Variants in PIGB observed in about 807,000 individuals in gnomAD.
PIGB encodes the protein phosphatidylinositol glycan anchor biosynthesis class B.
A neutral mutation model predicts 68.4 loss-of-function variants in PIGB; 58 were observed. The observed-to-expected ratio is 0.85, with a 90% CI of 0.69 to 1.06. The LOEUF is 1.06. PIGB is among the 50% of genes least tolerant of loss of function. The probability of loss-of-function intolerance (pLI) is 0.00; values close to 1 mark genes in which losing one functional copy is unlikely to be tolerated. For missense variants in PIGB, 634 were observed against 655.8 expected, an observed-to-expected ratio of 0.97 and a Z score of 0.36; for synonymous variants, 219 against 220.5, an observed-to-expected ratio of 0.99 and a Z score of 0.06.
chr15:55,338,691 A>G (rs944336010), intron 6 of PIGB, among the ~76,000 whole-genome samples: 14 of 152,134 alleles, frequency 9.2e-5, no homozygotes, highest in African/African-American at 3.4e-4. Flanking sequence ...TATGGCTTCC[A>G]TCTTGGGTGC....
At chr15:55,346,422 C>G (rs1045840237) in intron 9 of PIGB, 4 of 152,190 alleles carry the variant, frequency 2.6e-5, no homozygotes, top group African/African-American at 9.6e-5. Flanking sequence ...CTCAAGTCAT[C>G]TAGTCCCATT....
intron 11 of PIGB, 88 bp from the exon 12 acceptor site, chr15:55,355,198 G>A: frequency 1.9e-6 from 2 of 1,069,894 alleles, no homozygotes; most frequent in African/African-American, 1.6e-5. Flanking sequence ...GTTGTAGACA[G>A]CAATTAGAAT....
At chr15:55,333,053 T>C (rs1382482849) in intron 5 of PIGB, among the ~76,000 whole-genome samples, 3 of 152,224 alleles carry the variant, frequency 2.0e-5, no homozygotes, top group Admixed American at 2.0e-4. Context: ...AGCCTCTCTT[T>C]ATGACTTTCT....
chr15:55,342,796 C>G (rs1207787159), intron 9 of PIGB, among the ~76,000 whole-genome samples: 1 of 152,174 alleles, frequency 6.6e-6, no homozygotes, highest in African/African-American at 2.4e-5. Context: ...TACAAAAATC[C>G]TTACATGACT....
At chr15:55,320,201 A>C (rs1036534414) in intron 1 of PIGB, 74 bp from the exon 2 acceptor site, 20 of 1,436,734 alleles carry the variant, frequency 1.4e-5, no homozygotes, top group Middle Eastern at 1.8e-4. Context: ...CAACCAGAGC[A>C]GCAGATTTTA....
At chr15:55,331,530 A>G (rs920143719) in intron 5 of PIGB, among the ~76,000 whole-genome samples, 5 of 152,056 alleles carry the variant, frequency 3.3e-5, no homozygotes, top group Admixed American at 1.3e-4. Context: ...CCTGGCCAAC[A>G]TGGTGAAACC....
Position 55,321,400 on chromosome 15 carries a change from A to T in PIGB, c.417+10A>T. On this transcript the variant is annotated intron_variant, in intron 3 of 11. Transcript: ENST00000164305. ...TAGTGTTCAGTTGCTGGTAAGTTTA[A>T]ATAAAAGTAACTAAATGATATTGGG... 6.4e-7 allele frequency: 1 copy of T among 1,570,894 alleles called. No homozygotes were observed. Among genetic ancestry groups the T allele is most frequent in the Non-Finnish European group, 8.6e-7 (1 of 1,158,754 alleles).
intron 9 of PIGB, chr15:55,348,368 A>T (rs2055849905): frequency 6.6e-6 from 1 of 152,240 alleles, no homozygotes; most frequent in Admixed American, 6.5e-5. Context: ...AACAAACTGT[A>T]TCTTCTCGGG....
chr15:55,340,604 G>T lies in PIGB; in HGVS notation c.847-8G>T. 6.3e-7 allele frequency: 1 copy of T among 1,593,944 alleles called. No individual in the cohort carries two copies. Among genetic ancestry groups the T allele is most frequent in the Non-Finnish European group, 8.6e-7 (1 of 1,166,476 alleles). On this transcript the variant is annotated splice_region_variant and splice_polypyrimidine_tract_variant and intron_variant, in intron 7 of 11. Coordinates refer to ENST00000164305, the MANE Select transcript of PIGB (RefSeq NM_004855.5). ...CATTTCTATTTATTTTTCCTTCAAC[G>T]GTGCCAGTGGACTCTGGTTCAATTT...
At chr15:55,340,358 A>C (rs1416284078) in intron 7 of PIGB, 1 of 198,516 alleles carries the variant, frequency 5.0e-6, no homozygotes, top group Non-Finnish European at 1.0e-5. Context: ...CGGGAGGCTG[A>C]GGCAGGAGAA....
chr15:55,330,319 G>A (rs184604446), intron 5 of PIGB, among the ~76,000 whole-genome samples: 16 of 152,296 alleles, frequency 1.1e-4, no homozygotes, highest in African/African-American at 3.8e-4. Context: ...ACAGTCAGAA[G>A]CCAGAAAGCA....
chr15:55,329,145 G>A (rs187895456), intron 4 of PIGB, among the ~76,000 whole-genome samples: 311 of 151,622 alleles, frequency 2.1e-3, no homozygotes, highest in Non-Finnish European at 3.2e-3. Context: ...GGTGCTCTGT[G>A]TGCATGTTCT....
At chr15:55,322,814 C>A (rs563349952) in intron 3 of PIGB, among the ~76,000 whole-genome samples, 118 of 152,320 alleles carry the variant, frequency 7.7e-4, no homozygotes, top group Non-Finnish European at 1.3e-3. Flanking sequence ...GAGCCGCAAC[C>A]TGGCTTTTCT....
chr15:55,339,514 G>A (rs956248950), intron 7 of PIGB, among the ~76,000 whole-genome samples, 196 bp downstream of exon 7: 1 of 152,190 alleles, frequency 6.6e-6, no homozygotes, highest in Admixed American at 6.5e-5. Flanking sequence ...ATTCAGGAGA[G>A]TACATTTTAA....
At chr15:55,338,105 T>C (rs1275938727) in intron 6 of PIGB, among the ~76,000 whole-genome samples, 2 of 152,206 alleles carry the variant, frequency 1.3e-5, no homozygotes, top group Admixed American at 1.3e-4. Context: ...TCCTGCTCTG[T>C]ATGGCAGGTA....
intron 10 of PIGB, among the ~76,000 whole-genome samples, chr15:55,353,011 G>C (rs545971335): frequency 6.6e-6 from 1 of 152,246 alleles, no homozygotes; most frequent in Non-Finnish European, 1.5e-5. Context: ...TTCAACTTGA[G>C]GATTCCCTAC....
intron 1 of PIGB, 85 bp downstream of exon 1, chr15:55,319,498 G>C: frequency 4.8e-6 from 5 of 1,032,360 alleles, no homozygotes; most frequent in Non-Finnish European, 7.0e-6. Context: ...GTTGCCCGTT[G>C]AGCTCTGTGT....
At chr15:55,349,170 A>G (rs1276288788) in intron 9 of PIGB, among the ~76,000 whole-genome samples, 1 of 149,044 alleles carries the variant, frequency 6.7e-6, no homozygotes, top group African/African-American at 2.5e-5. Flanking sequence ...GGTGTGAGCT[A>G]CCGCACCTGG....
At position 55,355,437 on chromosome 15, in the gene PIGB, T is replaced by C. The variant is rs746450890; in HGVS notation, c.*5T>C. 15 of 1,601,254 alleles carry C rather than the reference T, an allele frequency of 9.4e-6. No individual in the cohort carries two copies. The highest frequency in any genetic ancestry group is 1.7e-4 in the Middle Eastern group (1 of 6,034). On this transcript the variant is annotated 3_prime_UTR_variant, in exon 12 of 12. Transcript: ENST00000164305. ...AACATGAAGATGAAATTCTGAACTT[T>C]CCTAGATAAATTAACATTGCTGGGT... is the stretch of plus-strand genomic sequence containing the variant.
Sources: gnomAD v4.1 joint callset for allele counts (sites outside exome capture counted in the v4.1 genomes callset) on GRCh38, gnomAD v4.1.1 for gene constraint, MANE v1.5 for transcripts, NCBI Gene and HGNC (gene_info 2026-07-23, HGNC 2026-07-21) for gene names.